The following HAUS6 variants were observed in gnomAD, a reference collection of about 807,000 sequenced individuals.
The protein encoded by HAUS6 is HAUS augmin-like complex subunit 6.
A neutral mutation model predicts 106.8 loss-of-function variants in HAUS6; 80 were observed. The observed-to-expected ratio is 0.75, with a 90% CI of 0.63 to 0.90. The LOEUF is 0.90. Ranked by LOEUF, HAUS6 falls within the 40% of genes least tolerant of loss-of-function variation. HAUS6 has a pLI of 0.00. For missense variants in HAUS6, 1,155 were observed against 1,118.1 expected (o/e 1.03, Z -0.47); for synonymous variants, 356 against 379.1 (o/e 0.94, Z 0.71).
intron 3 of HAUS6, among the ~76,000 whole-genome samples, chr9:19,093,824 G>T (rs1323555257): frequency 6.6e-6 from 1 of 152,108 alleles, no homozygotes; most frequent in African/African-American, 2.4e-5. Context: ...AGCCAAGATT[G>T]CGCCATTGCA....
intron 5 of HAUS6, among the ~76,000 whole-genome samples, chr9:19,087,858 A>G (rs1817655045): frequency 6.6e-6 from 1 of 151,084 alleles, no homozygotes; most frequent in East Asian, 1.9e-4. Flanking sequence ...AAAAAAAAAA[A>G]AAAAAAAAAA....
intron 1 of HAUS6, among the ~76,000 whole-genome samples, chr9:19,099,190 G>A (rs770379971): frequency 3.8e-4 from 57 of 148,400 alleles, no homozygotes; most frequent in Admixed American, 2.1e-3. Flanking sequence ...TTTTTGAGAC[G>A]GAGTCTCGCT....
intron 2 of HAUS6, among the ~76,000 whole-genome samples, chr9:19,095,814 G>A (rs1817849168): frequency 6.6e-6 from 1 of 152,046 alleles, no homozygotes; most frequent in South Asian, 2.1e-4. Context: ...ACTTGTGGGT[G>A]CTTACATTTT....
At chr9:19,095,365 G>A (rs10963962) in intron 2 of HAUS6, among the ~76,000 whole-genome samples, 11,845 of 151,986 alleles carry the variant, frequency 0.078, 513 homozygotes, top group East Asian at 0.11. Context: ...AGAAAAAACT[G>A]AGCATGCATA....
At chr9:19,087,578 G>C (rs1457758619) in intron 5 of HAUS6, among the ~76,000 whole-genome samples, 1 of 152,118 alleles carries the variant, frequency 6.6e-6, no homozygotes, top group Non-Finnish European at 1.5e-5. Flanking sequence ...AATTAGGCCA[G>C]GTGCAATGGC....
chr9:19,079,337 T>C (rs1180428775), intron 9 of HAUS6, among the ~76,000 whole-genome samples: 6 of 151,330 alleles, frequency 4.0e-5, no homozygotes, highest in South Asian at 2.1e-4. Flanking sequence ...GTTCAAGTGA[T>C]TCTCCTGCCT....
At chr9:19,076,083 G>T (rs936634132) in intron 11 of HAUS6, among the ~76,000 whole-genome samples, 35 of 151,848 alleles carry the variant, frequency 2.3e-4, no homozygotes, top group African/African-American at 8.2e-4. Context: ...CTGGGGGCTG[G>T]GCTCAGTGGC....
At chr9:19,093,747 T>C (rs1357680546) in intron 3 of HAUS6, among the ~76,000 whole-genome samples, 1 of 152,136 alleles carries the variant, frequency 6.6e-6, no homozygotes, top group Non-Finnish European at 1.5e-5. Context: ...TACATGGCTG[T>C]AATCCCAGCT....
intron 11 of HAUS6, among the ~76,000 whole-genome samples, chr9:19,074,827 A>G (rs1459306218): frequency 6.6e-6 from 1 of 152,116 alleles, no homozygotes; most frequent in Non-Finnish European, 1.5e-5. Flanking sequence ...TCTATCCTCT[A>G]TTTACAGAAC....
rs146169263 is a variant in HAUS6, at chr9:19,093,343, A to G, written c.304-40T>C. On this transcript the variant is annotated intron_variant, in intron 3 of 16. Transcript: ENST00000380502. Reference sequence around the variant, plus strand: ...AATAAGATGATTTGAAGACCTTGTTAACAATAACTCTTACATTTACATCAC... The same window carrying G: ...AATAAGATGATTTGAAGACCTTGTTGACAATAACTCTTACATTTACATCAC... The G allele has an allele frequency of 6.0e-4, 912 of 1,520,368 alleles. 6 individuals are homozygous for G. The African/African-American group carries it at 0.011, about 18-fold the overall frequency. The allele number at this position is 1,520,368 out of a possible 1,614,324, so 94.2% of individuals were successfully genotyped here.
At chr9:19,090,238 T>C (rs1817715006) in intron 4 of HAUS6, among the ~76,000 whole-genome samples, 1 of 152,278 alleles carries the variant, frequency 6.6e-6, no homozygotes, top group Non-Finnish European at 1.5e-5. Flanking sequence ...ATTTTCAGAG[T>C]GTATCCACCT....
In HAUS6 at chr9:19,089,418, T is replaced by C. The variant is rs773124633; in HGVS notation, c.578A>G (p.Asn193Ser). The C allele has an allele frequency of 6.2e-7, 1 of 1,602,876 alleles. No homozygotes were observed. The highest frequency in any genetic ancestry group is 8.5e-7 in the Non-Finnish European group (1 of 1,169,832). The change falls in exon 5 of 17, where the codon AAT becomes AGT. Residue 193 changes from asparagine (N) to serine (S), a missense_variant. Physicochemically the swap from Asn to Ser is conservative, Grantham distance 46. Coordinates refer to ENST00000380502, the MANE Select transcript of HAUS6 (RefSeq NM_017645.5). ...QDCVTQKYQE[N>S]AQLSVKQVRN... The stretch of plus-strand genomic sequence containing the variant: ...CTATCAAGGTACTACTTACTGTGCA[T>C]TTTCCTGATATTTTTGGGTAACACA...
intron 11 of HAUS6, among the ~76,000 whole-genome samples, chr9:19,070,784 C>G: frequency 6.6e-6 from 1 of 152,112 alleles, no homozygotes; most frequent in Non-Finnish European, 1.5e-5. Context: ...AAGAGTCAGT[C>G]TAGGAAAGGA....
intron 11 of HAUS6, among the ~76,000 whole-genome samples, chr9:19,071,573 CTTTTTTTTTTTT>C (rs34684530): frequency 9.1e-6 from 1 of 109,410 alleles, no homozygotes; most frequent in Non-Finnish European, 1.8e-5. Flanking sequence ...AAAATATTTT[CTTTTTTTTTTTT>C]TTTTTTTGAG....
chr9:19,066,899 TG>T (rs1564009835), intron 12 of HAUS6, among the ~76,000 whole-genome samples: 1 of 150,828 alleles, frequency 6.6e-6, no homozygotes, highest in African/African-American at 2.4e-5. Context: ...CCTAGCTACT[TG>T]GGTAGCTGAG....
At position 19,094,406 on chromosome 9, in the gene HAUS6, A is replaced by C; in HGVS notation, c.225-11T>G. 1 of 1,560,354 alleles carries C rather than the reference A, an allele frequency of 6.4e-7. No individual in the cohort carries two copies. The highest frequency in any genetic ancestry group is 8.8e-7 in the Non-Finnish European group (1 of 1,133,728). On this transcript the variant is annotated splice_polypyrimidine_tract_variant and intron_variant, in intron 2 of 16. Coordinates refer to ENST00000380502, the MANE Select transcript of HAUS6 (RefSeq NM_017645.5). ...GGGGGCCAACAAAATCTGGAAAACA[A>C]AAATAAAAGCGTAAGGACTATGCAC...
Position 19,053,694 on chromosome 9 carries a change from G to A in HAUS6, c.*2649C>T, listed in dbSNP as rs1207017432. 1 of 152,144 alleles carries A rather than the reference G, an allele frequency of 6.6e-6. No individual in the cohort carries two copies. The highest frequency in any genetic ancestry group is 1.5e-5 in the Non-Finnish European group (1 of 67,996). 9.4% of individuals were successfully genotyped at this position (152,144 alleles called of 1,614,324 possible). On this transcript the variant is annotated 3_prime_UTR_variant, in exon 17 of 17. Coordinates refer to ENST00000380502, the MANE Select transcript of HAUS6 (RefSeq NM_017645.5). ...TGTATCTTACAAATAGTAAAACAAA[G>A]TACATTCTATATGTCTGATATTAAT...
At chr9:19,077,372 T>C (rs1837032247) in intron 10 of HAUS6, among the ~76,000 whole-genome samples, 1 of 151,978 alleles carries the variant, frequency 6.6e-6, no homozygotes, top group Admixed American at 6.6e-5. Flanking sequence ...CCATCTCTAC[T>C]GAAAATAGAA....
At chr9:19,059,744 A>G (rs1836566902) in intron 15 of HAUS6, among the ~76,000 whole-genome samples, 1 of 152,192 alleles carries the variant, frequency 6.6e-6, no homozygotes, top group Non-Finnish European at 1.5e-5. Flanking sequence ...GGCAGAACAC[A>G]GCCTATGTAC....
Sources: gnomAD v4.1 joint callset for allele counts (sites outside exome capture counted in the v4.1 genomes callset) on GRCh38, gnomAD v4.1.1 for gene constraint, MANE v1.5 for transcripts, NCBI Gene and HGNC (gene_info 2026-07-23, HGNC 2026-07-21) for gene names.